Variants in RFX7 observed in about 807,000 individuals in gnomAD.
The protein encoded by RFX7 is DNA-binding protein RFX7.
In RFX7, 26 loss-of-function variants were observed where a neutral mutation model predicts 111.8. The observed-to-expected ratio is 0.23, with a 90% CI of 0.17 to 0.32. The LOEUF is 0.32. RFX7 is among the 10% of genes least tolerant of loss of function. The pLI, the probability that RFX7 is intolerant of heterozygous loss-of-function variation, is 1.00. For synonymous variants in RFX7, 624 were observed against 624.4 expected (o/e 1.00, Z 0.01); for missense variants, 1,573 against 1,772.9 (o/e 0.89, Z 2.02).
At chr15:56,214,387 T>C (rs1288220898) in intron 2 of RFX7, among the ~76,000 whole-genome samples, 1 of 152,212 alleles carries the variant, frequency 6.6e-6, no homozygotes, top group African/African-American at 2.4e-5. Context: ...TATTTATGCC[T>C]ACATTATTGA....
chr15:56,125,181 T>G (rs557275358), intron 5 of RFX7, among the ~76,000 whole-genome samples: 1 of 152,300 alleles, frequency 6.6e-6, no homozygotes, highest in South Asian at 2.1e-4. Flanking sequence ...GGATTAACTT[T>G]TGGATTCTCT....
At chr15:56,155,875 A>G (rs1201138922) in intron 3 of RFX7, among the ~76,000 whole-genome samples, 1 of 152,110 alleles carries the variant, frequency 6.6e-6, no homozygotes, top group Non-Finnish European at 1.5e-5. Context: ...AATGATATTA[A>G]CCAAGAATAT....
intron 2 of RFX7, among the ~76,000 whole-genome samples, chr15:56,219,096 A>G (rs1438501643): frequency 6.6e-6 from 1 of 152,224 alleles, no homozygotes; most frequent in Non-Finnish European, 1.5e-5. Context: ...AATTGACAAG[A>G]CTACAAAATT....
At chr15:56,233,896 G>C (rs1156343530) in intron 2 of RFX7, among the ~76,000 whole-genome samples, 3 of 152,124 alleles carry the variant, frequency 2.0e-5, no homozygotes, top group African/African-American at 4.8e-5. Context: ...ATTGTGATTA[G>C]TTAGTGGAAA....
chr15:56,099,632 T>TA (rs1266403586), intron 8 of RFX7, among the ~76,000 whole-genome samples: 44 of 147,602 alleles, frequency 3.0e-4, no homozygotes, highest in African/African-American at 4.4e-4. Flanking sequence ...ACTATATTTA[T>TA]AAAAAAAAAA....
intron 5 of RFX7, among the ~76,000 whole-genome samples, chr15:56,123,216 G>A (rs1464519926): frequency 6.6e-6 from 1 of 152,136 alleles, no homozygotes; most frequent in African/African-American, 2.4e-5. Flanking sequence ...CCTCTGGCAT[G>A]TACTACCTGG....
At chr15:56,107,986 C>G (rs1480444861) in intron 5 of RFX7, among the ~76,000 whole-genome samples, 1 of 152,126 alleles carries the variant, frequency 6.6e-6, no homozygotes, top group South Asian at 2.1e-4. Flanking sequence ...GACACATACA[C>G]CCTCCCAAGA....
intron 5 of RFX7, among the ~76,000 whole-genome samples, chr15:56,111,030 G>C (rs1284248578): frequency 1.2e-5 from 1 of 85,324 alleles, no homozygotes; most frequent in African/African-American, 3.9e-5. Context: ...AGGTGGGGGG[G>C]TCAGCCCCCC....
At chr15:56,127,236 G>T (rs1278382621) in intron 5 of RFX7, among the ~76,000 whole-genome samples, 4 of 151,636 alleles carry the variant, frequency 2.6e-5, no homozygotes, top group African/African-American at 9.7e-5. Flanking sequence ...ATAATCAATG[G>T]ATCGAAAAAA....
At chr15:56,191,371 G>T (rs1567041957) in intron 2 of RFX7, among the ~76,000 whole-genome samples, 1 of 152,118 alleles carries the variant, frequency 6.6e-6, no homozygotes, top group African/African-American at 2.4e-5. Flanking sequence ...GGAGTTAGAA[G>T]AATATATTTG....
intron 3 of RFX7, among the ~76,000 whole-genome samples, chr15:56,163,734 A>G (rs1189419533): frequency 1.3e-5 from 2 of 152,174 alleles, no homozygotes; most frequent in Non-Finnish European, 2.9e-5. Flanking sequence ...AGTTATCATT[A>G]TTCTTTGTTA....
intron 3 of RFX7, among the ~76,000 whole-genome samples, chr15:56,158,123 A>T (rs2042676320): frequency 6.6e-6 from 1 of 152,320 alleles, no homozygotes; most frequent in East Asian, 1.9e-4. Flanking sequence ...ACATATATAT[A>T]AAATAGATGA....
At chr15:56,234,588 A>C (rs1437367794) in intron 2 of RFX7, among the ~76,000 whole-genome samples, 2 of 152,232 alleles carry the variant, frequency 1.3e-5, no homozygotes, top group Non-Finnish European at 2.9e-5. Flanking sequence ...CATTAACTAA[A>C]GCATCTTGTT....
At chr15:56,118,451 T>G (rs901532397) in intron 5 of RFX7, among the ~76,000 whole-genome samples, 4 of 152,234 alleles carry the variant, frequency 2.6e-5, no homozygotes, top group African/African-American at 9.6e-5. Context: ...GATGTTTGTG[T>G]TCCTGTAAAT....
At chr15:56,142,152 A>T (rs1199443811) in intron 5 of RFX7, among the ~76,000 whole-genome samples, 1 of 152,106 alleles carries the variant, frequency 6.6e-6, no homozygotes, top group Non-Finnish European at 1.5e-5. Flanking sequence ...ATCAATTATA[A>T]AAATGTTAAA....
At chr15:56,201,167 G>A (rs1278626530) in intron 2 of RFX7, among the ~76,000 whole-genome samples, 1 of 152,052 alleles carries the variant, frequency 6.6e-6, no homozygotes, top group Non-Finnish European at 1.5e-5. Context: ...TGGCCTACAG[G>A]TATACTTGTA....
chr15:56,183,709 G>A (rs1260543651), intron 2 of RFX7, among the ~76,000 whole-genome samples: 3 of 152,034 alleles, frequency 2.0e-5, no homozygotes, highest in Admixed American at 2.0e-4. Context: ...GTTTTTCCAG[G>A]TGAATTTTTC....
At position 56,087,472 on chromosome 15, in the gene RFX7, A is replaced by G. The variant is rs1185434939; in HGVS notation, c.*5873T>C. 4.4e-6 allele frequency: 2 copies of G among 456,550 alleles called. No individual in the cohort carries two copies. The highest frequency in any genetic ancestry group is 1.5e-5 in the South Asian group (1 of 64,580). The allele number at this position is 456,550 out of a possible 1,614,324, so 28.3% of individuals were successfully genotyped here. On this transcript the variant is annotated 3_prime_UTR_variant, in exon 10 of 10. Coordinates refer to ENST00000559447, the MANE Select transcript of RFX7 (RefSeq NM_022841.7). ...GGGCTGCTTGAGTTCTAGCCATCACATTTGCATTCCAGCCAGCAGAGAGGA... is the reference window on the plus strand; with the variant it reads ...GGGCTGCTTGAGTTCTAGCCATCACGTTTGCATTCCAGCCAGCAGAGAGGA...
chr15:56,175,543 C>T (rs2042894972), intron 3 of RFX7, among the ~76,000 whole-genome samples: 1 of 151,990 alleles, frequency 6.6e-6, no homozygotes. Context: ...TAAAGGCAGA[C>T]ACAGCAATCA....
Sources: allele counts gnomAD v4.1 joint callset (sites outside exome capture counted in the v4.1 genomes callset), GRCh38; gene constraint gnomAD v4.1.1; transcripts MANE v1.5; gene names NCBI Gene and HGNC (gene_info 2026-07-23, HGNC 2026-07-21).